PCSK5: variants seen among roughly 807,000 people sequenced by gnomAD.
PCSK5 encodes the protein prohormone convertase 5.
PCSK5 carries 129 observed loss-of-function variants against 233.2 expected under a neutral mutation model. The ratio of observed to expected loss-of-function variants is 0.55; its 90% confidence interval spans 0.48 to 0.64. PCSK5 has a LOEUF of 0.64. PCSK5 is among the 30% of genes least tolerant of loss of function. The probability of loss-of-function intolerance (pLI) is 0.00; values close to 1 mark genes in which losing one functional copy is unlikely to be tolerated. For missense variants in PCSK5, 2,076 were observed against 2,430.1 expected (o/e 0.85, Z 3.06); for synonymous variants, 825 against 879.2 (o/e 0.94, Z 1.09).
At chr9:76,193,385 C>T in intron 20 of PCSK5, 1 of 1,396,740 alleles carries the variant, frequency 7.2e-7, no homozygotes, top group African/African-American at 1.5e-5. Flanking sequence ...TTCCTGTAGA[C>T]TTATAGATTA....
rs535779777 is a variant in PCSK5, at chr9:76,135,446, G to A, written c.1312+1234G>A. On this transcript the variant is annotated intron_variant, in intron 10 of 37. Transcript: ENST00000674117. ...GAAAAGAATATTTCTCTGCTTTGAA[G>A]TATTATCAAACACCTTTCCATGCAT... Among the ~76,000 whole-genome samples, 14 of 152,130 alleles carry A rather than the reference G, an allele frequency of 9.2e-5. No homozygotes were observed. In the South Asian group the frequency reaches 2.7e-3, roughly 29 times the overall value.
At chr9:76,115,430 GT>G (rs1275604461) in intron 9 of PCSK5, among the ~76,000 whole-genome samples, 1 of 152,072 alleles carries the variant, frequency 6.6e-6, no homozygotes, top group Non-Finnish European at 1.5e-5. Context: ...TTTAAACAGA[GT>G]GTTAGCAAAT....
chr9:76,281,100 A>T (rs958870207), intron 24 of PCSK5, among the ~76,000 whole-genome samples: 1 of 152,238 alleles, frequency 6.6e-6, no homozygotes, highest in Non-Finnish European at 1.5e-5. Context: ...TAAAAGTGCG[A>T]GGTGAAGCAG....
chr9:76,056,526 C>T (rs1235125135), intron 5 of PCSK5, among the ~76,000 whole-genome samples: 1 of 152,162 alleles, frequency 6.6e-6, no homozygotes, highest in African/African-American at 2.4e-5. Context: ...AATTAACAGG[C>T]ACTTTCTCAT....
chr9:76,156,260 T>C (rs140693501), intron 10 of PCSK5, among the ~76,000 whole-genome samples: 201 of 152,350 alleles, frequency 1.3e-3, no homozygotes, highest in Non-Finnish European at 2.1e-3. Context: ...CAGTCAAGTA[T>C]TCCTATATCT....
chr9:76,355,772 C>T (rs540643781), intron 37 of PCSK5, among the ~76,000 whole-genome samples: 1 of 151,894 alleles, frequency 6.6e-6, no homozygotes, highest in South Asian at 2.1e-4. Flanking sequence ...GGCACAATCT[C>T]GGCTCACGGC....
chr9:76,031,786 AT>A (rs1383183655), intron 5 of PCSK5, among the ~76,000 whole-genome samples: 1 of 152,218 alleles, frequency 6.6e-6, no homozygotes, highest in African/African-American at 2.4e-5. Context: ...TACAGTTGTT[AT>A]TATTATAATT....
At chr9:76,025,004 G>A (rs77522772) in intron 4 of PCSK5, among the ~76,000 whole-genome samples, 3,225 of 152,128 alleles carry the variant, frequency 0.021, 111 homozygotes, top group African/African-American at 0.067. Context: ...AATTAGTAAG[G>A]TACATTAGAT....
chr9:76,281,877 G>A (rs1827877298), intron 24 of PCSK5, among the ~76,000 whole-genome samples: 1 of 151,354 alleles, frequency 6.6e-6, no homozygotes, highest in Non-Finnish European at 1.5e-5. Flanking sequence ...TTGAACTCCT[G>A]AGCTCAACTA....
chr9:75,994,400 CTT>C (rs550518074), intron 3 of PCSK5, among the ~76,000 whole-genome samples: 2 of 82,062 alleles, frequency 2.4e-5, no homozygotes, highest in Non-Finnish European at 4.3e-5. Context: ...TTCTTTCTTT[CTT>C]TTTTTTTTTT....
chr9:76,187,129 T>G (rs923649293), intron 17 of PCSK5, among the ~76,000 whole-genome samples: 1 of 152,190 alleles, frequency 6.6e-6, no homozygotes, highest in Admixed American at 6.5e-5. Flanking sequence ...TCCAAATTTT[T>G]TTAAGAGCAT....
chr9:75,934,665 T>C (rs1270502163), intron 2 of PCSK5, among the ~76,000 whole-genome samples: 1 of 151,700 alleles, frequency 6.6e-6, no homozygotes, highest in Non-Finnish European at 1.5e-5. Context: ...CACTACAACC[T>C]CCAACTCCCG....
At chr9:76,309,513 G>T (rs937815698) in intron 29 of PCSK5, among the ~76,000 whole-genome samples, 2 of 152,080 alleles carry the variant, frequency 1.3e-5, no homozygotes, top group Admixed American at 6.6e-5. Flanking sequence ...GGCCAACATG[G>T]CAAGTCCCCG....
chr9:76,276,745 G>T (rs986473937), intron 24 of PCSK5, among the ~76,000 whole-genome samples: 1 of 152,068 alleles, frequency 6.6e-6, no homozygotes. Context: ...CCCTTTATCT[G>T]AATTTACGTA....
chr9:76,064,013 C>T (rs1224182204), intron 5 of PCSK5, among the ~76,000 whole-genome samples: 10 of 90,348 alleles, frequency 1.1e-4, no homozygotes, highest in African/African-American at 5.6e-4. Flanking sequence ...GGGGGCTGAC[C>T]CCCCCACCTC....
At chr9:76,246,676 A>G (rs1314528300) in intron 24 of PCSK5, among the ~76,000 whole-genome samples, 3 of 152,220 alleles carry the variant, frequency 2.0e-5, no homozygotes, top group Non-Finnish European at 4.4e-5. Flanking sequence ...GAAACAACCT[A>G]AATGCTTGTC....
At chr9:76,020,454 T>G (rs1423541092) in intron 3 of PCSK5, among the ~76,000 whole-genome samples, 1 of 152,232 alleles carries the variant, frequency 6.6e-6, no homozygotes, top group Non-Finnish European at 1.5e-5. Flanking sequence ...CTGATTTAAA[T>G]GCCCTCTCAC....
intron 14 of PCSK5, 172 bp downstream of exon 14, chr9:76,175,301 A>AATC: frequency 1.8e-6 from 1 of 543,442 alleles, no homozygotes; most frequent in South Asian, 2.1e-5. Context: ...CGAATAGAAT[A>AATC]GAATAGAATA....
At chr9:76,069,166 A>G (rs577231786) in intron 6 of PCSK5, among the ~76,000 whole-genome samples, 5 of 152,270 alleles carry the variant, frequency 3.3e-5, no homozygotes, top group South Asian at 4.1e-4. Flanking sequence ...TATTAAGCAC[A>G]ATGCATATGA....
Sources: gnomAD v4.1 joint callset for allele counts (sites outside exome capture counted in the v4.1 genomes callset) on GRCh38, gnomAD v4.1.1 for gene constraint, MANE v1.5 for transcripts, NCBI Gene and HGNC (gene_info 2026-07-23, HGNC 2026-07-21) for gene names.